SUPT3H: variants seen among roughly 807,000 people sequenced by gnomAD.
SUPT3H encodes transcription initiation protein SPT3 homolog.
In SUPT3H, 44 loss-of-function variants were observed where a neutral mutation model predicts 44.3. The observed-to-expected ratio is 0.99, with a 90% CI of 0.78 to 1.28. The LOEUF is 1.28. Among genes scored for constraint, SUPT3H ranks in the 50% most tolerant of loss-of-function variants. The pLI, the probability that SUPT3H is intolerant of heterozygous loss-of-function variation, is 0.00. For synonymous variants in SUPT3H, 124 were observed against 125.6 expected (o/e 0.99, Z 0.09); for missense variants, 380 against 387.1 (o/e 0.98, Z 0.15).
intron 2 of SUPT3H, among the ~76,000 whole-genome samples, chr6:45,172,027 T>C (rs565471816): frequency 6.6e-6 from 1 of 151,602 alleles, no homozygotes; most frequent in Admixed American, 6.6e-5. Flanking sequence ...CCACTCACTT[T>C]TTAAAAAGTG....
intron 2 of SUPT3H, among the ~76,000 whole-genome samples, chr6:45,310,670 A>C (rs1783804988): frequency 6.6e-6 from 1 of 152,134 alleles, no homozygotes; most frequent in Non-Finnish European, 1.5e-5. Flanking sequence ...CTAGACCCAG[A>C]AGAGAGAAAA....
chr6:44,884,295 C>A (rs1409881196), intron 10 of SUPT3H, among the ~76,000 whole-genome samples: 1 of 152,088 alleles, frequency 6.6e-6, no homozygotes, highest in Non-Finnish European at 1.5e-5. Context: ...CAAATCAAAC[C>A]ATAATGAGAT....
intron 6 of SUPT3H, among the ~76,000 whole-genome samples, chr6:44,998,152 CTTTT>C (rs917566264): frequency 6.6e-6 from 1 of 150,676 alleles, no homozygotes. Context: ...ACAAGTTCTC[CTTTT>C]TTTTTCTTTT....
intron 3 of SUPT3H, among the ~76,000 whole-genome samples, chr6:45,072,850 C>T (rs896425084): frequency 6.6e-6 from 1 of 151,962 alleles, no homozygotes; most frequent in African/African-American, 2.4e-5. Flanking sequence ...AACTTGGATA[C>T]TGGCCCTCTC....
At chr6:45,306,715 AG>A (rs1384151487) in intron 2 of SUPT3H, among the ~76,000 whole-genome samples, 1 of 152,340 alleles carries the variant, frequency 6.6e-6, no homozygotes, top group African/African-American at 2.4e-5. Context: ...TGAGCGACAC[AG>A]AAGACGGGTG....
intron 2 of SUPT3H, among the ~76,000 whole-genome samples, chr6:45,233,564 T>C (rs1768478952): frequency 6.6e-6 from 1 of 152,206 alleles, no homozygotes; most frequent in Admixed American, 6.5e-5. Flanking sequence ...TCTCACTTAC[T>C]CTTTCACCAC....
intron 2 of SUPT3H, among the ~76,000 whole-genome samples, chr6:45,162,027 A>G (rs1007635081): frequency 8.0e-6 from 1 of 125,048 alleles, no homozygotes; most frequent in Non-Finnish European, 1.8e-5. Flanking sequence ...TCTTCAGAAC[A>G]TGTTTAAAAA....
intron 10 of SUPT3H, among the ~76,000 whole-genome samples, chr6:44,888,834 T>C (rs1177938670): frequency 6.6e-6 from 1 of 151,292 alleles, no homozygotes; most frequent in Admixed American, 6.6e-5. Context: ...TTGTCCCTGT[T>C]TGCAGATGAC....
intron 3 of SUPT3H, among the ~76,000 whole-genome samples, chr6:45,054,071 T>C (rs9472430): frequency 0.97 from 146,847 of 152,160 alleles, 70,892 homozygotes; most frequent in East Asian, 1. Flanking sequence ...TAAGTTCCCT[T>C]CAGTTTATGT....
chr6:45,076,701 G>T (rs1370513110), intron 3 of SUPT3H, among the ~76,000 whole-genome samples: 1 of 151,924 alleles, frequency 6.6e-6, no homozygotes, highest in Non-Finnish European at 1.5e-5. Context: ...GCCCCCTTTG[G>T]CTGTCAAAAT....
chr6:44,861,288 C>T (rs545078863), intron 10 of SUPT3H, among the ~76,000 whole-genome samples: 113 of 152,258 alleles, frequency 7.4e-4, no homozygotes, highest in African/African-American at 2.7e-3. Context: ...GTTGCCCAGG[C>T]TAATCTCAAA....
chr6:44,906,043 A>G (rs1766001457), intron 10 of SUPT3H, among the ~76,000 whole-genome samples: 1 of 152,134 alleles, frequency 6.6e-6, no homozygotes, highest in African/African-American at 2.4e-5. Flanking sequence ...GGGGATGGGG[A>G]GGGATAGCAT....
In SUPT3H at chr6:44,815,951, G is replaced by A. The variant is rs1330104474; in HGVS notation, c.*53-6450C>T. 4.6e-5 allele frequency among the ~76,000 whole-genome samples: 7 copies of A among 152,040 alleles called. No homozygotes were observed. The East Asian group carries it at 7.7e-4, about 17-fold the overall frequency. On this transcript the variant is annotated intron_variant and NMD_transcript_variant, in intron 11 of 11. Transcript: ENST00000475057. ...CTACATCAAAGAGCACAATACACAA[G>A]TTTTCAAGTGCATATGCACATGTTC... is the stretch of plus-strand genomic sequence containing the variant.
chr6:45,032,841 G>C (rs1787150750), intron 3 of SUPT3H, among the ~76,000 whole-genome samples: 1 of 152,110 alleles, frequency 6.6e-6, no homozygotes, highest in Non-Finnish European at 1.5e-5. Context: ...TTTATAAGAA[G>C]GCGGCTTCCT....
intron 2 of SUPT3H, among the ~76,000 whole-genome samples, chr6:45,252,314 T>C (rs575127122): frequency 6.6e-6 from 1 of 152,302 alleles, no homozygotes; most frequent in Non-Finnish European, 1.5e-5. Flanking sequence ...AATCCAAAAA[T>C]GAGTAATGCA....
chr6:44,876,825 G>A (rs980355429), intron 10 of SUPT3H, among the ~76,000 whole-genome samples: 1 of 70,896 alleles, frequency 1.4e-5, no homozygotes. Flanking sequence ...TAAAAATAAA[G>A]ATCTTCAATT....
intron 10 of SUPT3H, among the ~76,000 whole-genome samples, chr6:44,890,796 A>C (rs1763181323): frequency 6.6e-6 from 1 of 151,956 alleles, no homozygotes; most frequent in Non-Finnish European, 1.5e-5. Flanking sequence ...TGTGGCACAC[A>C]TGGAATACTA....
chr6:45,201,592 A>G (rs539424477), intron 2 of SUPT3H, among the ~76,000 whole-genome samples: 1 of 151,986 alleles, frequency 6.6e-6, no homozygotes, highest in East Asian at 1.9e-4. Context: ...ATCATTCTTC[A>G]CAGAATTTTT....
At chr6:45,036,353 G>A (rs946859351) in intron 3 of SUPT3H, among the ~76,000 whole-genome samples, 10 of 152,062 alleles carry the variant, frequency 6.6e-5, no homozygotes, top group African/African-American at 2.4e-4. Context: ...GGAGGAAAGG[G>A]AAGGAGCTAA....
Sources: allele counts gnomAD v4.1 joint callset (sites outside exome capture counted in the v4.1 genomes callset), GRCh38; gene constraint gnomAD v4.1.1; transcripts MANE v1.5; gene names NCBI Gene and HGNC (gene_info 2026-07-23, HGNC 2026-07-21).